CTNND2: variants seen among roughly 807,000 people sequenced by gnomAD.
The protein encoded by CTNND2 is catenin delta 2, also known as catenin delta-2.
In CTNND2, 22 loss-of-function variants were observed where a neutral mutation model predicts 144.4. That is an observed-to-expected ratio of 0.15 (90% CI 0.11 to 0.22). The LOEUF is 0.22. Among genes scored for constraint, CTNND2 ranks in the 10% least tolerant of loss-of-function variants. The pLI, the probability that CTNND2 is intolerant of heterozygous loss-of-function variation, is 1.00. For missense variants in CTNND2, 1,353 were observed against 1,618.8 expected (o/e 0.84, Z 2.82); for synonymous variants, 751 against 695.6 (o/e 1.08, Z -1.25).
chr5:11,104,646 C>A (rs763110113), intron 14 of CTNND2, among the ~76,000 whole-genome samples: 8 of 152,066 alleles, frequency 5.3e-5, no homozygotes, highest in Non-Finnish European at 8.8e-5. Flanking sequence ...TGTGTTGATT[C>A]TTAGGAATTT....
intron 2 of CTNND2, among the ~76,000 whole-genome samples, chr5:11,729,126 G>A (rs189054307): frequency 4.6e-5 from 7 of 151,884 alleles, no homozygotes; most frequent in Admixed American, 3.3e-4. Flanking sequence ...TGGGCACCTG[G>A]GGCTTCTCTA....
chr5:10,988,377 T>A lies in CTNND2; in HGVS notation c.3212-135A>T. ...GTGAGGACCTGATGGGTTTTCTTTT[T>A]AATTTTTATTTTTTGGCAGTTTTGG... On this transcript the variant is annotated intron_variant, in intron 19 of 21. Coordinates refer to ENST00000304623, the MANE Select transcript of CTNND2 (RefSeq NM_001332.4). The surrounding 1 kb of genome is among the most constrained non-coding windows in gnomAD (Gnocchi z 5.9). 1 of 1,123,218 alleles carries A rather than the reference T, an allele frequency of 8.9e-7. No individual in the cohort carries two copies. Among genetic ancestry groups the A allele is most frequent in the Non-Finnish European group, 1.2e-6 (1 of 801,982 alleles). 69.6% of individuals were successfully genotyped at this position (1,123,218 alleles called of 1,614,324 possible).
At chr5:11,503,535 A>G (rs147171314) in intron 3 of CTNND2, among the ~76,000 whole-genome samples, 374 of 152,304 alleles carry the variant, frequency 2.5e-3, no homozygotes, top group African/African-American at 8.8e-3. Context: ...AGCTTTAATC[A>G]ATTAATCAAT....
chr5:11,795,390 G>A (rs1451167030), intron 1 of CTNND2, among the ~76,000 whole-genome samples: 2 of 152,194 alleles, frequency 1.3e-5, no homozygotes, highest in South Asian at 2.1e-4. Context: ...AGGAGATTCC[G>A]TTTATCCTAC....
At chr5:11,226,072 T>C (rs902036576) in intron 10 of CTNND2, among the ~76,000 whole-genome samples, 9 of 152,132 alleles carry the variant, frequency 5.9e-5, no homozygotes, top group African/African-American at 2.2e-4. Flanking sequence ...AGTTTCAGAG[T>C]GACCATGGCC....
intron 2 of CTNND2, among the ~76,000 whole-genome samples, chr5:11,665,118 C>T (rs1201639434): frequency 6.6e-6 from 1 of 152,102 alleles, no homozygotes; most frequent in East Asian, 1.9e-4. Context: ...AATAAACTCA[C>T]GCTTGAGTTT....
chr5:11,449,780 A>G (rs768285674), intron 3 of CTNND2, among the ~76,000 whole-genome samples: 3 of 152,186 alleles, frequency 2.0e-5, no homozygotes, highest in Non-Finnish European at 2.9e-5. Flanking sequence ...CTAGAATGTA[A>G]TCTCATTCAG....
chr5:11,113,867 T>TTG (rs899531794), intron 13 of CTNND2, among the ~76,000 whole-genome samples: 46 of 152,288 alleles, frequency 3.0e-4, no homozygotes, highest in African/African-American at 1.0e-3. Context: ...TGGTGAAAGG[T>TTG]AGCAGGTGCC....
chr5:11,292,230 T>C (rs2150016713), intron 9 of CTNND2, among the ~76,000 whole-genome samples: 1 of 152,318 alleles, frequency 6.6e-6, no homozygotes, highest in Admixed American at 6.5e-5. Flanking sequence ...AATTCATAAA[T>C]TGAAGTTCTA....
chr5:11,009,871 G>T (rs978544776), intron 18 of CTNND2, among the ~76,000 whole-genome samples: 6 of 71,546 alleles, frequency 8.4e-5, no homozygotes, highest in Non-Finnish European at 1.6e-4. Context: ...CTTTGCTTTT[G>T]GACAGATATC....
Position 11,405,754 on chromosome 5 carries a change from A to G in CTNND2, c.439+5782T>C, listed in dbSNP as rs143158679. Among the ~76,000 whole-genome samples the G allele has an allele frequency of 2.2e-3, 328 of 152,060 alleles. 5 individuals carry two copies. In the East Asian group the frequency reaches 0.028, roughly 13 times the overall value. ...TTTTTGCTACTGCTAACCTCCCATT[A>G]ATTTCATATACCCGAGGTAGGGGGG... On this transcript the variant is annotated intron_variant, in intron 5 of 21. Coordinates refer to ENST00000304623, the MANE Select transcript of CTNND2 (RefSeq NM_001332.4).
intron 12 of CTNND2, among the ~76,000 whole-genome samples, chr5:11,140,466 G>T (rs553450415): frequency 1.5e-4 from 23 of 152,278 alleles, no homozygotes; most frequent in African/African-American, 5.1e-4. Flanking sequence ...GCAAGCCAAG[G>T]GCTAAAGTTG....
chr5:11,072,889 C>T (rs1187119292), intron 16 of CTNND2, among the ~76,000 whole-genome samples: 1 of 152,200 alleles, frequency 6.6e-6, no homozygotes, highest in Admixed American at 6.5e-5. Flanking sequence ...TGGCTGTCCC[C>T]TCCCTGCTGT....
chr5:11,547,585 A>G (rs1024822456), intron 3 of CTNND2, among the ~76,000 whole-genome samples: 2 of 152,216 alleles, frequency 1.3e-5, no homozygotes, highest in Non-Finnish European at 2.9e-5. Context: ...CAAACCACCA[A>G]TAGAAAAATA....
chr5:11,307,096 T>A (rs1451724325), intron 9 of CTNND2, among the ~76,000 whole-genome samples: 2 of 150,258 alleles, frequency 1.3e-5, no homozygotes, highest in African/African-American at 5.0e-5. Flanking sequence ...CAAAGTGTGA[T>A]CCCAAAGCCT....
In CTNND2 at chr5:10,972,335, T is replaced by C. The variant is rs764101802; in HGVS notation, c.*1118A>G. The stretch of plus-strand genomic sequence containing the variant: ...ACAAAAGGAACAAACTGATGTACAT[T>C]TATACTAAAAAACCAAAAACAAAGT... On this transcript the variant is annotated 3_prime_UTR_variant, in exon 22 of 22. Coordinates refer to ENST00000304623, the MANE Select transcript of CTNND2 (RefSeq NM_001332.4). The C allele has an allele frequency of 6.6e-6, 1 of 152,382 alleles. No individual in the cohort carries two copies. Among genetic ancestry groups the C allele is most frequent in the Non-Finnish European group, 1.5e-5 (1 of 68,036 alleles). 9.4% of individuals were successfully genotyped at this position (152,382 alleles called of 1,614,324 possible). A position where few individuals can be genotyped will look rare whatever the true frequency, so the allele number is the denominator to read the frequency against.
chr5:11,120,890 A>C (rs958797277), intron 12 of CTNND2, among the ~76,000 whole-genome samples: 2 of 152,176 alleles, frequency 1.3e-5, no homozygotes, highest in Non-Finnish European at 2.9e-5. Context: ...TTCCACTTTT[A>C]ATCAACTATG....
At chr5:11,181,143 TG>T (rs1760956824) in intron 11 of CTNND2, among the ~76,000 whole-genome samples, 1 of 149,504 alleles carries the variant, frequency 6.7e-6, no homozygotes, top group Non-Finnish European at 1.5e-5. Context: ...GCGGGGAGGG[TG>T]GACCCAATGA....
At chr5:11,427,252 C>T (rs1012781034) in intron 3 of CTNND2, among the ~76,000 whole-genome samples, 4 of 148,498 alleles carry the variant, frequency 2.7e-5, no homozygotes, top group African/African-American at 1.0e-4. Context: ...TTTTTAGTAC[C>T]TTTAAACGCA....
Sources: gnomAD v4.1 joint callset for allele counts (sites outside exome capture counted in the v4.1 genomes callset) on GRCh38, gnomAD v4.1.1 for gene constraint, Gnocchi (gnomAD v3.1) non-coding constraint, MANE v1.5 for transcripts, NCBI Gene and HGNC (gene_info 2026-07-23, HGNC 2026-07-21) for gene names.